The following NCKAP5 variants were observed in gnomAD, a reference collection of about 807,000 sequenced individuals.
NCKAP5 encodes NCK associated protein 5.
A neutral mutation model predicts 167.0 loss-of-function variants in NCKAP5; 92 were observed. The observed-to-expected ratio is 0.55, with a 90% CI of 0.47 to 0.66. NCKAP5 has a LOEUF of 0.66. Among genes scored for constraint, NCKAP5 ranks in the 30% least tolerant of loss-of-function variants. The pLI is 0.00. For missense variants in NCKAP5, 2,378 were observed against 2,315.0 expected (o/e 1.03, Z -0.56); for synonymous variants, 891 against 877.4 (o/e 1.02, Z -0.27).
At chr2:133,156,254 T>C (rs1208620499) in intron 5 of NCKAP5, among the ~76,000 whole-genome samples, 2 of 152,220 alleles carry the variant, frequency 1.3e-5, no homozygotes, top group African/African-American at 4.8e-5. Context: ...GTGTTCCCTC[T>C]TGTGATTAAT....
intron 2 of NCKAP5, among the ~76,000 whole-genome samples, chr2:133,536,480 T>C (rs1221573072): frequency 6.6e-6 from 1 of 152,144 alleles, no homozygotes; most frequent in Non-Finnish European, 1.5e-5. Context: ...TTCTGTATTT[T>C]CTTCCATTAA....
chr2:133,382,913 A>G (rs543567046), intron 3 of NCKAP5, among the ~76,000 whole-genome samples: 1 of 152,308 alleles, frequency 6.6e-6, no homozygotes, highest in East Asian at 1.9e-4. Context: ...GGCAACACAC[A>G]GTAGACATCT....
chr2:133,567,699 GTT>G (rs1491154341), intron 1 of NCKAP5, among the ~76,000 whole-genome samples: 23 of 140,678 alleles, frequency 1.6e-4, no homozygotes, highest in Non-Finnish European at 2.5e-4. Context: ...GTGTGTGTGT[GTT>G]TGGGGAGAGA....
At chr2:132,951,174 A>T (rs2076176352) in intron 8 of NCKAP5, among the ~76,000 whole-genome samples, 1 of 152,200 alleles carries the variant, frequency 6.6e-6, no homozygotes, top group African/African-American at 2.4e-5. Flanking sequence ...AACACAGTCG[A>T]ACCTGCTTTC....
chr2:132,871,743 T>C (rs1179132857), intron 9 of NCKAP5, among the ~76,000 whole-genome samples: 1 of 152,216 alleles, frequency 6.6e-6, no homozygotes, highest in Admixed American at 6.5e-5. Flanking sequence ...GAATGCCTTA[T>C]TTCTTTACCT....
At chr2:132,692,160 T>C (rs1686818636) in intron 19 of NCKAP5, among the ~76,000 whole-genome samples, 1 of 151,378 alleles carries the variant, frequency 6.6e-6, no homozygotes, top group Non-Finnish European at 1.5e-5. Flanking sequence ...TTTTATTTTT[T>C]GAGACAGAGT....
chr2:133,096,993 T>C (rs947385568), intron 6 of NCKAP5, among the ~76,000 whole-genome samples: 1 of 152,212 alleles, frequency 6.6e-6, no homozygotes, highest in Non-Finnish European at 1.5e-5. Context: ...CTAATGTAAG[T>C]TCTTTTCTTC....
At chr2:133,499,418 C>T (rs1682275818) in intron 3 of NCKAP5, among the ~76,000 whole-genome samples, 1 of 152,192 alleles carries the variant, frequency 6.6e-6, no homozygotes, top group African/African-American at 2.4e-5. Flanking sequence ...ATCATAAACA[C>T]ATTTTCAAAA....
chr2:132,971,959 CTT>C (rs1266409699), intron 7 of NCKAP5, among the ~76,000 whole-genome samples: 1 of 152,224 alleles, frequency 6.6e-6, no homozygotes, highest in Non-Finnish European at 1.5e-5. Flanking sequence ...GACAAACACA[CTT>C]GAGCATAGAA....
intron 5 of NCKAP5, among the ~76,000 whole-genome samples, chr2:133,193,153 A>C (rs2085299221): frequency 6.6e-6 from 1 of 152,118 alleles, no homozygotes; most frequent in Non-Finnish European, 1.5e-5. Flanking sequence ...ATTCCAAAAG[A>C]TTATATACTA....
At chr2:132,825,592 G>C (rs1428679041) in intron 11 of NCKAP5, among the ~76,000 whole-genome samples, 1 of 152,154 alleles carries the variant, frequency 6.6e-6, no homozygotes, top group African/African-American at 2.4e-5. Flanking sequence ...TTTTAACAGA[G>C]GGCAAGTCAT....
At chr2:132,921,171 AG>A (rs2149004342) in intron 8 of NCKAP5, among the ~76,000 whole-genome samples, 1 of 152,090 alleles carries the variant, frequency 6.6e-6, no homozygotes, top group Non-Finnish European at 1.5e-5. Context: ...GAATCCTCAA[AG>A]TAAGCCCCAC....
intron 4 of NCKAP5, among the ~76,000 whole-genome samples, chr2:133,276,888 A>G (rs1308252941): frequency 6.6e-6 from 1 of 152,162 alleles, no homozygotes; most frequent in Non-Finnish European, 1.5e-5. Flanking sequence ...ATATTAATTG[A>G]TCCTTTAGTA....
intron 8 of NCKAP5, among the ~76,000 whole-genome samples, chr2:132,901,176 A>C (rs960756329): frequency 1.3e-5 from 2 of 152,184 alleles, no homozygotes; most frequent in Non-Finnish European, 2.9e-5. Context: ...AAGTGGTAGA[A>C]TCTGTGCCCA....
chr2:133,573,433 C>G (rs999564371), upstream of NCKAP5, among the ~76,000 whole-genome samples: 6 of 152,152 alleles, frequency 3.9e-5, no homozygotes, highest in African/African-American at 1.2e-4. Context: ...ATACAGCCTA[C>G]ATCTGCTGGG....
At chr2:132,821,902 C>A (rs555438640) in intron 11 of NCKAP5, among the ~76,000 whole-genome samples, 15 of 152,202 alleles carry the variant, frequency 9.9e-5, no homozygotes, top group Non-Finnish European at 1.3e-4. Context: ...ACCTGCCTAA[C>A]CCTGCCCTGA....
chr2:133,187,254 T>G (rs1050311058), intron 5 of NCKAP5, among the ~76,000 whole-genome samples: 2 of 152,102 alleles, frequency 1.3e-5, no homozygotes, highest in Non-Finnish European at 2.9e-5. Flanking sequence ...GGCTTTTGTA[T>G]AGTTTTGAGA....
At chr2:133,487,174 C>T (rs77758322) in intron 3 of NCKAP5, among the ~76,000 whole-genome samples, 8,423 of 152,130 alleles carry the variant, frequency 0.055, 399 homozygotes, top group East Asian at 0.24. Flanking sequence ...TAGGAATGGA[C>T]GTTATTCAAC....
chr2:132,936,298 T>C (rs1290621860), intron 8 of NCKAP5, among the ~76,000 whole-genome samples: 6 of 152,192 alleles, frequency 3.9e-5, no homozygotes, highest in Non-Finnish European at 5.9e-5. Context: ...ATTTTCTATA[T>C]AATTTCTTTA....
Sources: gnomAD v4.1 joint callset for allele counts (sites outside exome capture counted in the v4.1 genomes callset) on GRCh38, gnomAD v4.1.1 for gene constraint, MANE v1.5 for transcripts, NCBI Gene and HGNC (gene_info 2026-07-23, HGNC 2026-07-21) for gene names.